Variants in SAMD4A observed in about 807,000 individuals in gnomAD.
SAMD4A encodes protein Smaug homolog 1.
A neutral mutation model predicts 81.3 loss-of-function variants in SAMD4A; 33 were observed. That is an observed-to-expected ratio of 0.41 (90% CI 0.31 to 0.54). The LOEUF (loss-of-function observed/expected upper bound fraction) is 0.54, where lower values mean the gene tolerates loss of function less well. SAMD4A is among the 20% of genes least tolerant of loss of function. The pLI, the probability that SAMD4A is intolerant of heterozygous loss-of-function variation, is 0.37. For synonymous variants in SAMD4A, 389 were observed against 382.1 expected (o/e 1.02, Z -0.21); for missense variants, 854 against 951.1 (o/e 0.90, Z 1.34).
intron 2 of SAMD4A, among the ~76,000 whole-genome samples, chr14:54,612,278 G>A (rs2034376609): frequency 6.6e-6 from 1 of 151,968 alleles, no homozygotes. Flanking sequence ...CCTTCAGTCT[G>A]TCCCTTAATG....
intron 2 of SAMD4A, among the ~76,000 whole-genome samples, chr14:54,678,252 C>G (rs932666903): frequency 1.3e-4 from 20 of 152,106 alleles, no homozygotes; most frequent in African/African-American, 4.3e-4. Context: ...TCAGATTCTT[C>G]TTGGCATCTC....
At chr14:54,729,289 A>G (rs191188373) in intron 3 of SAMD4A, among the ~76,000 whole-genome samples, 1 of 152,046 alleles carries the variant, frequency 6.6e-6, no homozygotes, top group Non-Finnish European at 1.5e-5. Flanking sequence ...TAAACCTCAG[A>G]AGCACTTTCT....
intron 9 of SAMD4A, among the ~76,000 whole-genome samples, chr14:54,770,656 G>T (rs2038679022): frequency 6.6e-6 from 1 of 152,220 alleles, no homozygotes; most frequent in Non-Finnish European, 1.5e-5. Context: ...ATAGTTGGTG[G>T]CAGGGTGAAG....
intron 3 of SAMD4A, among the ~76,000 whole-genome samples, chr14:54,714,190 C>T (rs1187390093): frequency 6.6e-6 from 1 of 152,088 alleles, no homozygotes; most frequent in Non-Finnish European, 1.5e-5. Flanking sequence ...ATAAATCATA[C>T]CCTTAATACG....
chr14:54,631,997 T>C (rs1469269023), intron 2 of SAMD4A, among the ~76,000 whole-genome samples: 1 of 152,200 alleles, frequency 6.6e-6, no homozygotes, highest in African/African-American at 2.4e-5. Flanking sequence ...TGCTAAATGC[T>C]GGGGGTATGG....
intron 7 of SAMD4A, among the ~76,000 whole-genome samples, chr14:54,761,325 C>T (rs2139865535): frequency 6.6e-6 from 1 of 152,298 alleles, no homozygotes; most frequent in South Asian, 2.1e-4. Context: ...ACGTGGTTAC[C>T]ACTGTGCCTT....
chr14:54,776,313 A>T (rs2038846032), intron 10 of SAMD4A, 101 bp from the exon 11 acceptor site: 10 of 1,263,210 alleles, frequency 7.9e-6, no homozygotes, highest in Non-Finnish European at 1.1e-5. Flanking sequence ...TAGAAGTTAG[A>T]GTTCTCCTGG....
chr14:54,617,471 C>CTTT (rs71446500), intron 2 of SAMD4A, among the ~76,000 whole-genome samples: 1 of 150,870 alleles, frequency 6.6e-6, no homozygotes, highest in Non-Finnish European at 1.5e-5. Flanking sequence ...GAATCTTTCC[C>CTTT]TTTTTTTTTC....
Position 54,715,728 on chromosome 14 carries a change from A to G in SAMD4A, c.715+13148A>G, listed in dbSNP as rs116368380. ...AAAGAGGGGAAAAAGAAGATAGCCT[A>G]AAATAAAAAGCAAAATGATTCAGCC... On this transcript the variant is annotated intron_variant, in intron 3 of 12. Coordinates refer to ENST00000554335, the MANE Select transcript of SAMD4A (RefSeq NM_015589.6). 5.5e-3 allele frequency among the ~76,000 whole-genome samples: 834 copies of G among 152,320 alleles called. 8 individuals carry two copies. The highest frequency in any genetic ancestry group is 0.019 in the African/African-American group (773 of 41,590).
intron 2 of SAMD4A, among the ~76,000 whole-genome samples, chr14:54,633,370 G>A (rs1322180479): frequency 6.6e-6 from 1 of 152,184 alleles, no homozygotes; most frequent in Non-Finnish European, 1.5e-5. Context: ...GGAGACTGCA[G>A]GGCTGTGAGT....
intron 2 of SAMD4A, among the ~76,000 whole-genome samples, chr14:54,659,760 G>A (rs988497833): frequency 2.0e-5 from 3 of 152,106 alleles, no homozygotes; most frequent in African/African-American, 7.2e-5. Context: ...CTGAACTCTG[G>A]AAATTTAGTT....
chr14:54,662,321 C>T (rs2035659788), intron 2 of SAMD4A, among the ~76,000 whole-genome samples: 1 of 152,022 alleles, frequency 6.6e-6, no homozygotes, highest in African/African-American at 2.4e-5. Context: ...GAGGCTGTGC[C>T]TTTCTCTTGT....
intron 12 of SAMD4A, among the ~76,000 whole-genome samples, chr14:54,786,036 T>G (rs1026494553): frequency 2.0e-5 from 3 of 152,174 alleles, no homozygotes; most frequent in African/African-American, 7.2e-5. Context: ...CATCTTTACC[T>G]CATAGAGGAG....
At position 54,775,708 on chromosome 14, in the gene SAMD4A, G is replaced by A. The variant is rs141442151; in HGVS notation, c.1917+573G>A. Among the ~76,000 whole-genome samples the A allele has an allele frequency of 1.5e-4, 23 of 152,202 alleles. No homozygotes were observed. The East Asian group carries it at 4.3e-3, about 28-fold the overall frequency. ...AGTGCCTTCCGCCTGTGTGCCCAGA[G>A]CTTCTCGAAGCTCTGTGGGTAGGGA... On this transcript the variant is annotated intron_variant, in intron 10 of 12. Transcript: ENST00000554335.
At chr14:54,663,007 G>C (rs780101825) in intron 2 of SAMD4A, among the ~76,000 whole-genome samples, 1 of 152,146 alleles carries the variant, frequency 6.6e-6, no homozygotes, top group Non-Finnish European at 1.5e-5. Context: ...AGACCACAGG[G>C]GTCCAAGTTA....
intron 11 of SAMD4A, 88 bp downstream of exon 11, chr14:54,776,628 CG>C: frequency 7.5e-7 from 1 of 1,338,074 alleles, no homozygotes; most frequent in Non-Finnish European, 9.8e-7. Context: ...TGCTTAGCCT[CG>C]ACTGTCACCG....
At chr14:54,681,820 TCAAA>T in intron 2 of SAMD4A, 1 of 985,330 alleles carries the variant, frequency 1.0e-6, no homozygotes, top group African/African-American at 1.7e-5. Flanking sequence ...GGGCTTAAGT[TCAAA>T]CAAAGTAAGA....
intron 2 of SAMD4A, among the ~76,000 whole-genome samples, chr14:54,582,675 C>T (rs1443955673): frequency 6.6e-6 from 1 of 152,110 alleles, no homozygotes; most frequent in Non-Finnish European, 1.5e-5. Context: ...AGTATTGGGA[C>T]AATTGGTGAA....
intron 2 of SAMD4A, among the ~76,000 whole-genome samples, chr14:54,615,745 A>G (rs1281289198): frequency 6.6e-6 from 1 of 151,816 alleles, no homozygotes; most frequent in African/African-American, 2.4e-5. Context: ...TACCATTTTT[A>G]TTTAGTGACT....
Sources: gnomAD v4.1 joint callset for allele counts (sites outside exome capture counted in the v4.1 genomes callset) on GRCh38, gnomAD v4.1.1 for gene constraint, MANE v1.5 for transcripts, NCBI Gene and HGNC (gene_info 2026-07-23, HGNC 2026-07-21) for gene names.